The following STEAP1B variants were observed in gnomAD, a reference collection of about 807,000 sequenced individuals.
STEAP1B encodes the protein STEAP family protein MGC87042.
STEAP1B carries 13 observed loss-of-function variants against 27.9 expected under a neutral mutation model. The ratio of observed to expected loss-of-function variants is 0.47; its 90% CI spans 0.30 to 0.74. STEAP1B has a LOEUF of 0.74. Among genes scored for constraint, STEAP1B ranks in the 30% least tolerant of loss-of-function variants. The pLI, the probability that STEAP1B is intolerant of heterozygous loss-of-function variation, is 0.06. For missense variants in STEAP1B, 250 were observed against 298.7 expected, an observed-to-expected ratio of 0.84 and a Z score of 1.20; for synonymous variants, 86 against 107.1, an observed-to-expected ratio of 0.80 and a Z score of 1.22.
chr7:22,467,916 C>T (rs761747889), intron 4 of STEAP1B, among the ~76,000 whole-genome samples: 1 of 152,158 alleles, frequency 6.6e-6, no homozygotes, highest in Non-Finnish European at 1.5e-5. Flanking sequence ...TTGGAAATTC[C>T]TTTGGCAAAG....
intron 4 of STEAP1B, among the ~76,000 whole-genome samples, chr7:22,473,704 T>G (rs151076572): frequency 4.5e-4 from 69 of 152,328 alleles, no homozygotes; most frequent in African/African-American, 1.6e-3. Context: ...GGTATATTTT[T>G]GCTCCATAGA....
At position 22,425,387 on chromosome 7, in the gene STEAP1B, C is replaced by T. The variant is rs116987846; in HGVS notation, c.763-5551G>A. 3.9e-5 allele frequency among the ~76,000 whole-genome samples: 6 copies of T among 152,290 alleles called. No homozygotes were observed. In the East Asian group the frequency reaches 7.7e-4, roughly 20 times the overall value. On this transcript the variant is annotated intron_variant, in intron 4 of 4. Transcript: ENST00000678116. ...ATGGCCTATATTTGTTGCATTTGAT[C>T]ATAGCCCAACAGAGCAATTGCTACC... is the stretch of plus-strand genomic sequence containing the variant.
chr7:22,475,902 T>C (rs905901298), intron 4 of STEAP1B, among the ~76,000 whole-genome samples: 1 of 152,234 alleles, frequency 6.6e-6, no homozygotes, highest in Admixed American at 6.5e-5. Flanking sequence ...CTGCCTTTTT[T>C]AAGCAGTTGC....
At chr7:22,432,681 AG>A (rs1209487144) in intron 4 of STEAP1B, among the ~76,000 whole-genome samples, 2 of 152,198 alleles carry the variant, frequency 1.3e-5, no homozygotes, top group Non-Finnish European at 2.9e-5. Flanking sequence ...CTCTGTAATG[AG>A]CCCCTTCATT....
rs187711516 is a variant in STEAP1B, at chr7:22,465,930, C to G, written c.762+26635G>C. Among the ~76,000 whole-genome samples, 25 of 152,266 alleles carry G rather than the reference C, an allele frequency of 1.6e-4. No individual in the cohort carries two copies. The East Asian group carries it at 4.8e-3, about 29-fold the overall frequency. On this transcript the variant is annotated intron_variant, in intron 4 of 4. Transcript: ENST00000678116. ...CTTCATTTACCAAAACTCAGAGCCT[C>G]GATCTCCCGCATGGCTCATGTTCCA...
At chr7:22,451,298 GT>G (rs34597466) in intron 4 of STEAP1B, among the ~76,000 whole-genome samples, 106,086 of 151,080 alleles carry the variant, frequency 0.7, 37,626 homozygotes, top group East Asian at 0.9. Flanking sequence ...AGTTTTAATA[GT>G]TTTTTTTTTG....
At position 22,433,787 on chromosome 7, in the gene STEAP1B, G is replaced by T. The variant is rs1785220383; in HGVS notation, c.763-13951C>A. On this transcript the variant is annotated intron_variant, in intron 4 of 4. Coordinates refer to ENST00000678116, the MANE Select transcript of STEAP1B (RefSeq NM_001382447.1). ...AATGAGTCCTTGAACTGGTATAACTGGTTGTCAACTGAGATGAATTAAAGA... is the reference window on the plus strand; with the variant it reads ...AATGAGTCCTTGAACTGGTATAACTTGTTGTCAACTGAGATGAATTAAAGA... Among the ~76,000 whole-genome samples the T allele has an allele frequency of 2.6e-5, 4 of 152,218 alleles. No individual in the cohort carries two copies. The South Asian group carries it at 8.3e-4, about 32-fold the overall frequency.
intron 4 of STEAP1B, among the ~76,000 whole-genome samples, chr7:22,479,271 G>T (rs4722147): frequency 0.3 from 44,948 of 151,922 alleles, 6,794 homozygotes; most frequent in East Asian, 0.44. Context: ...AGGAGATAGG[G>T]GTAGGGGGCA....
chr7:22,446,072 G>A (rs1202667518), intron 4 of STEAP1B, among the ~76,000 whole-genome samples: 1 of 152,244 alleles, frequency 6.6e-6, no homozygotes, highest in Non-Finnish European at 1.5e-5. Flanking sequence ...ATGGTCAACT[G>A]TAAATGCAGT....
intron 4 of STEAP1B, among the ~76,000 whole-genome samples, chr7:22,485,768 C>G (rs1786193672): frequency 6.6e-6 from 1 of 152,282 alleles, no homozygotes; most frequent in Admixed American, 6.5e-5. Flanking sequence ...TGAGAAATTC[C>G]TTCAAGTCAG....
intron 4 of STEAP1B, among the ~76,000 whole-genome samples, chr7:22,456,972 A>ATATATATATATATATTTTTTT: frequency 1.8e-5 from 1 of 57,046 alleles, no homozygotes; most frequent in African/African-American, 7.0e-5. Context: ...ATATATATAT[A>ATATATATATATATATTTTTTT]TTTTTTTTTT....
intron 4 of STEAP1B, among the ~76,000 whole-genome samples, chr7:22,491,769 C>T (rs1318994940): frequency 6.6e-6 from 1 of 151,952 alleles, no homozygotes; most frequent in African/African-American, 2.4e-5. Context: ...TAAGGACTTA[C>T]CTTTTAAGTG....
At chr7:22,483,646 G>A (rs1232068923) in intron 4 of STEAP1B, among the ~76,000 whole-genome samples, 1 of 152,128 alleles carries the variant, frequency 6.6e-6, no homozygotes, top group Non-Finnish European at 1.5e-5. Context: ...CTGTGATGGT[G>A]ATCTGTCATC....
At chr7:22,446,259 C>G (rs115324102) in intron 4 of STEAP1B, among the ~76,000 whole-genome samples, 246 of 152,348 alleles carry the variant, frequency 1.6e-3, no homozygotes, top group African/African-American at 5.6e-3. Context: ...AGATCTGATC[C>G]TATAGATTTG....
intron 4 of STEAP1B, among the ~76,000 whole-genome samples, chr7:22,462,608 C>T (rs1228857670): frequency 7.0e-6 from 1 of 143,574 alleles, no homozygotes; most frequent in African/African-American, 2.6e-5. Context: ...ATATGTGCCA[C>T]ATTTTGTTAA....
chr7:22,427,352 C>T (rs1213171219), intron 4 of STEAP1B, among the ~76,000 whole-genome samples: 1 of 152,148 alleles, frequency 6.6e-6, no homozygotes, highest in Non-Finnish European at 1.5e-5. Context: ...CCTGGCCTAA[C>T]TGGAAGGGCC....
chr7:22,446,262 T>C (rs1785407984), intron 4 of STEAP1B, among the ~76,000 whole-genome samples: 1 of 152,254 alleles, frequency 6.6e-6, no homozygotes, highest in Admixed American at 6.5e-5. Context: ...TCTGATCCTA[T>C]AGATTTGGGC....
rs193244612 is a variant in STEAP1B at position 22,494,331 on chromosome 7, T to C, written c.84+441A>G. The stretch of plus-strand genomic sequence containing the variant: ...AAAGTAGATTTATTTGGTTATACAG[T>C]GAATCGTCAATTTACTAGATGATCT... On this transcript the variant is annotated intron_variant, in intron 2 of 4. Coordinates refer to ENST00000678116, the MANE Select transcript of STEAP1B (RefSeq NM_001382447.1). Among the ~76,000 whole-genome samples the C allele has an allele frequency of 4.9e-3, 741 of 152,184 alleles. 7 individuals carry two copies. The highest frequency in any genetic ancestry group is 0.017 in the African/African-American group (714 of 41,518).
chr7:22,479,874 T>C (rs1419508175), intron 4 of STEAP1B, among the ~76,000 whole-genome samples: 1 of 151,924 alleles, frequency 6.6e-6, no homozygotes, highest in African/African-American at 2.4e-5. Context: ...TTAGTAGAGA[T>C]GGGATTTTGT....
Sources: gnomAD v4.1 joint callset for allele counts (sites outside exome capture counted in the v4.1 genomes callset) on GRCh38, gnomAD v4.1.1 for gene constraint, MANE v1.5 for transcripts, NCBI Gene and HGNC (gene_info 2026-07-23, HGNC 2026-07-21) for gene names.